ADA2: variants seen among roughly 807,000 people sequenced by gnomAD.
The protein encoded by ADA2 is adenosine deaminase 2.
Under a neutral mutation model 44.2 loss-of-function variants are expected in ADA2, and 29 were observed. That is an observed-to-expected ratio of 0.66 (90% CI 0.49 to 0.89). The LOEUF is 0.89. Ranked by LOEUF, ADA2 falls within the 40% of genes least tolerant of loss-of-function variation. ADA2 has a pLI of 0.00. For synonymous variants in ADA2, 215 were observed against 234.9 expected (o/e 0.92, Z 0.77); for missense variants, 637 against 644.8 (o/e 0.99, Z 0.13).
intron 4 of ADA2, among the ~76,000 whole-genome samples, chr22:17,192,025 G>A (rs1214927501): frequency 6.6e-6 from 1 of 151,376 alleles, no homozygotes; most frequent in Non-Finnish European, 1.5e-5. Context: ...AGCCATCAAC[G>A]AGCTCTGGGA....
intron 4 of ADA2, among the ~76,000 whole-genome samples, chr22:17,201,495 G>T (rs1214391735): frequency 6.6e-6 from 1 of 152,130 alleles, no homozygotes; most frequent in Admixed American, 6.6e-5. Context: ...TTGTGTATCC[G>T]ATCAATATGT....
chr22:17,214,711 C>T (rs2062452389), intron 1 of ADA2, among the ~76,000 whole-genome samples: 1 of 152,246 alleles, frequency 6.6e-6, no homozygotes. Context: ...ACTGAGACAG[C>T]ACAGCCTGGG....
intron 8 of ADA2, 93 bp downstream of exon 8, chr22:17,182,511 A>T: frequency 8.0e-7 from 1 of 1,242,510 alleles, no homozygotes; most frequent in Non-Finnish European, 1.2e-6. Flanking sequence ...CAAGAGAGTT[A>T]AGGAGAGATA....
chr22:17,183,456 C>CTTT (rs1227906560), intron 7 of ADA2, among the ~76,000 whole-genome samples: 1,152 of 77,146 alleles, frequency 0.015, 3 homozygotes, highest in Middle Eastern at 0.02. Context: ...TTGTGGCACT[C>CTTT]TTTTTTTTTT....
chr22:17,184,508 C>G lies in ADA2; in HGVS notation c.1082-1747G>C, dbSNP rs1445830956. Among the ~76,000 whole-genome samples the G allele has an allele frequency of 2.0e-5, 3 of 152,166 alleles. No individual in the cohort carries two copies. In the East Asian group the frequency reaches 5.8e-4, roughly 29 times the overall value. On this transcript the variant is annotated intron_variant, in intron 7 of 9. Coordinates refer to ENST00000399837, the MANE Select transcript of ADA2 (RefSeq NM_001282225.2). ...CCGACAACCAAGTGGGGCAGAATCA[C>G]CCACACAATGGGCATAGCACAGATT...
At chr22:17,208,031 G>A (rs528153824) in intron 2 of ADA2, among the ~76,000 whole-genome samples, 13 of 151,984 alleles carry the variant, frequency 8.6e-5, no homozygotes, top group African/African-American at 1.7e-4. Flanking sequence ...GCCCTGACAC[G>A]AGCCCCCAGA....
chr22:17,202,787 G>T (rs1179206890), intron 4 of ADA2, among the ~76,000 whole-genome samples: 1,476 of 81,532 alleles, frequency 0.018, 23 homozygotes, highest in African/African-American at 0.063. Flanking sequence ...TTTTTTTTGT[G>T]TGTGTGTGTT....
At chr22:17,214,172 G>A in intron 1 of ADA2, 1 of 658,492 alleles carries the variant, frequency 1.5e-6, no homozygotes, top group Non-Finnish European at 2.7e-6. Flanking sequence ...CCTGCCCCCA[G>A]TAGGGAGCAG....
At chr22:17,204,500 C>T (rs578140939) in intron 3 of ADA2, among the ~76,000 whole-genome samples, 1 of 152,122 alleles carries the variant, frequency 6.6e-6, no homozygotes, top group South Asian at 2.1e-4. Context: ...CCTGTAATCC[C>T]AGTTACTAGG....
At chr22:17,204,414 C>T (rs1336558442) in intron 3 of ADA2, among the ~76,000 whole-genome samples, 3 of 151,686 alleles carry the variant, frequency 2.0e-5, no homozygotes, top group East Asian at 1.9e-4. Context: ...GTCAGGAGTT[C>T]GAGATCAGCC....
Position 17,182,722 on chromosome 22 carries a change from G to C in ADA2, c.1121C>G (p.Ala374Gly). ...GTSIDRNILD[A>G]LMLNTTRIGH... ...GATTCTGGTAGTGTTCAGCATCAGA[G>C]CATCCAGAATGTTCCTGTCTATGGA... is the stretch of plus-strand genomic sequence containing the variant. The change falls in exon 8 of 10, where the codon GCT becomes GGT. Residue 374 changes from alanine (A) to glycine (G), a missense_variant. Ala to Gly is a moderately conservative substitution (Grantham distance 60). Coordinates refer to ENST00000399837, the MANE Select transcript of ADA2 (RefSeq NM_001282225.2). 1 of 1,613,914 alleles carries C rather than the reference G, an allele frequency of 6.2e-7. No homozygotes were observed. Among genetic ancestry groups the C allele is most frequent in the Non-Finnish European group, 8.5e-7 (1 of 1,180,000 alleles).
chr22:17,191,652 A>G (rs1370471438), intron 5 of ADA2, 31 bp downstream of exon 5: 11 of 1,609,034 alleles, frequency 6.8e-6, no homozygotes, highest in East Asian at 2.2e-5. Context: ...CAGCCTCCCA[A>G]CCCGAGCTTT....
chr22:17,193,808 G>A (rs1382150628), intron 4 of ADA2, among the ~76,000 whole-genome samples: 1 of 151,874 alleles, frequency 6.6e-6, no homozygotes, highest in Non-Finnish European at 1.5e-5. Context: ...AAGGAACAGG[G>A]CTGGGCATTG....
chr22:17,209,943 C>T (rs2062400739), intron 1 of ADA2: 2 of 412,828 alleles, frequency 4.8e-6, no homozygotes, highest in Non-Finnish European at 8.6e-6. Flanking sequence ...CAGGCTGGAG[C>T]ACGGTGGTGC....
At chr22:17,187,875 A>C (rs8142736) in intron 7 of ADA2, among the ~76,000 whole-genome samples, 41,690 of 151,398 alleles carry the variant, frequency 0.28, 6,044 homozygotes, top group Non-Finnish European at 0.32. Flanking sequence ...GAGGCCGAGG[A>C]GGGCAGATCA....
chr22:17,183,752 G>A (rs1374351459), intron 7 of ADA2, among the ~76,000 whole-genome samples: 1 of 151,988 alleles, frequency 6.6e-6, no homozygotes, highest in East Asian at 1.9e-4. Flanking sequence ...ATGAGCCACC[G>A]CACCGGGCTC....
At chr22:17,196,990 T>G (rs1422465255) in intron 4 of ADA2, among the ~76,000 whole-genome samples, 1 of 152,104 alleles carries the variant, frequency 6.6e-6, no homozygotes, top group Non-Finnish European at 1.5e-5. Flanking sequence ...CTGGCCAACA[T>G]GGCGAAACCC....
At chr22:17,202,782 TTTG>T (rs1290329446) in intron 4 of ADA2, among the ~76,000 whole-genome samples, 1 of 151,650 alleles carries the variant, frequency 6.6e-6, no homozygotes, top group Non-Finnish European at 1.5e-5. Context: ...TCTTTTTTTT[TTTG>T]TGTGTGTGTG....
chr22:17,199,439 C>CTTCCCCTCCCTCCCCTCCTCTATCCTCT, intron 4 of ADA2: 1 of 1,056,666 alleles, frequency 9.5e-7, no homozygotes, highest in Non-Finnish European at 1.5e-6. Flanking sequence ...CCTCTATCCT[C>CTTCCCCTCCCTCCCCTCCTCTATCCTCT]TTCCCCTCCA....
Sources: gnomAD v4.1 joint callset for allele counts (sites outside exome capture counted in the v4.1 genomes callset) on GRCh38, gnomAD v4.1.1 for gene constraint, MANE v1.5 for transcripts, NCBI Gene and HGNC (gene_info 2026-07-23, HGNC 2026-07-21) for gene names.